Variants in FTCDNL1 observed in about 807,000 individuals in gnomAD.
FTCDNL1 encodes the protein formiminotransferase cyclodeaminase N-terminal like.
A neutral mutation model predicts 5.9 loss-of-function variants in FTCDNL1; 11 were observed. The observed-to-expected ratio is 1.87, with a 90% CI of 1.18 to 3.10. The LOEUF (loss-of-function observed/expected upper bound fraction) is 3.10, where lower values mean the gene tolerates loss of function less well. Among genes scored for constraint, FTCDNL1 ranks in the 30% most tolerant of loss-of-function variants. The pLI is 0.00. For missense variants in FTCDNL1, 115 were observed against 65.5 expected, an observed-to-expected ratio of 1.76 and a Z score of -2.61; for synonymous variants, 58 against 24.8, an observed-to-expected ratio of 2.34 and a Z score of -3.99.
In FTCDNL1 at chr2:199,786,251, G is replaced by GTATA. The variant is rs139819752; in HGVS notation, c.212-25420_212-25417dup. Among the ~76,000 whole-genome samples, 808 of 146,572 alleles carry GTATA rather than the reference G, an allele frequency of 5.5e-3. 6 individuals are homozygous for GTATA. Among genetic ancestry groups the GTATA allele is most frequent in the African/African-American group, 0.018 (729 of 40,002 alleles). On this transcript the variant is annotated intron_variant, in intron 3 of 3. Transcript: ENST00000416668. ...AACAGTCTGGGCTACCTCCAGCCCT[G>GTATA]TATATATATATATATATATGCATAC...
At chr2:199,775,365 A>G (rs1699008080) in intron 3 of FTCDNL1, among the ~76,000 whole-genome samples, 1 of 152,234 alleles carries the variant, frequency 6.6e-6, no homozygotes, top group African/African-American at 2.4e-5. Flanking sequence ...CTTCAGATAT[A>G]ACGGCCCATC....
At chr2:199,834,702 A>C (rs887675801) in intron 3 of FTCDNL1, among the ~76,000 whole-genome samples, 7 of 152,334 alleles carry the variant, frequency 4.6e-5, no homozygotes, top group South Asian at 4.1e-4. Flanking sequence ...CTGGTTCCAA[A>C]TGTGGGAAAG....
the FTCDNL1 span, among the ~76,000 whole-genome samples, chr2:199,692,751 A>G: frequency 6.6e-6 from 1 of 150,820 alleles, no homozygotes; most frequent in Non-Finnish European, 1.5e-5. Context: ...TTGTGTGGCA[A>G]GCAAGAGAAT....
intron 3 of FTCDNL1, among the ~76,000 whole-genome samples, chr2:199,788,990 A>G (rs1699792257): frequency 6.6e-6 from 1 of 151,912 alleles, no homozygotes; most frequent in Non-Finnish European, 1.5e-5. Flanking sequence ...AAACTTGAAT[A>G]TGGAAATTAC....
At chr2:199,731,397 A>G in the FTCDNL1 span, among the ~76,000 whole-genome samples, 1 of 152,226 alleles carries the variant, frequency 6.6e-6, no homozygotes, top group African/African-American at 2.4e-5. Flanking sequence ...TTCAATGACC[A>G]ACCTAATTGA....
chr2:199,768,945 G>T (rs944658407), intron 3 of FTCDNL1, among the ~76,000 whole-genome samples: 2 of 152,062 alleles, frequency 1.3e-5, no homozygotes, highest in Non-Finnish European at 2.9e-5. Context: ...AATGTTAGGG[G>T]GTGTTCTGCA....
At chr2:199,787,001 C>T (rs184436344) in intron 3 of FTCDNL1, among the ~76,000 whole-genome samples, 50 of 152,258 alleles carry the variant, frequency 3.3e-4, no homozygotes, top group African/African-American at 1.2e-3. Context: ...TGGCTTTTGG[C>T]CTCTGCTAGC....
At chr2:199,829,638 T>C (rs929608409) in intron 3 of FTCDNL1, among the ~76,000 whole-genome samples, 2 of 152,234 alleles carry the variant, frequency 1.3e-5, no homozygotes, top group African/African-American at 4.8e-5. Context: ...ATCTGCTTAA[T>C]TAAATGTATC....
chr2:199,670,813 C>T, the FTCDNL1 span, among the ~76,000 whole-genome samples: 1 of 152,124 alleles, frequency 6.6e-6, no homozygotes, highest in Admixed American at 6.5e-5. Context: ...TCATAGCTCC[C>T]CTTTCCTACT....
the FTCDNL1 span, among the ~76,000 whole-genome samples, chr2:199,664,905 G>C: frequency 1.3e-5 from 2 of 152,090 alleles, no homozygotes; most frequent in African/African-American, 2.4e-5. Context: ...TGGACAACCA[G>C]TAGGCTAGGA....
At chr2:199,675,780 G>A in the FTCDNL1 span, among the ~76,000 whole-genome samples, 9 of 152,278 alleles carry the variant, frequency 5.9e-5, no homozygotes, top group East Asian at 9.6e-4. Flanking sequence ...TTTTGAGACA[G>A]AGTCTCACTT....
At chr2:199,834,958 G>C (rs1702624792) in intron 3 of FTCDNL1, among the ~76,000 whole-genome samples, 1 of 152,172 alleles carries the variant, frequency 6.6e-6, no homozygotes, top group Admixed American at 6.5e-5. Flanking sequence ...AGGATCACTT[G>C]AGGCCAGGAG....
chr2:199,827,343 G>A (rs562021623), intron 3 of FTCDNL1, among the ~76,000 whole-genome samples: 148 of 152,144 alleles, frequency 9.7e-4, no homozygotes, highest in Non-Finnish European at 1.8e-3. Context: ...GGGGGACAGG[G>A]AGACTGGTGT....
chr2:199,740,617 C>A, the FTCDNL1 span, among the ~76,000 whole-genome samples: 1 of 152,174 alleles, frequency 6.6e-6, no homozygotes, highest in Non-Finnish European at 1.5e-5. Flanking sequence ...AGCAAGGCTG[C>A]AGGGGAGAAA....
chr2:199,675,552 A>AT, the FTCDNL1 span, among the ~76,000 whole-genome samples: 6 of 151,496 alleles, frequency 4.0e-5, no homozygotes, highest in African/African-American at 1.5e-4. Flanking sequence ...ATAGAAATTG[A>AT]TTTTTTTTTC....
At chr2:199,782,265 C>G (rs1699404769) in intron 3 of FTCDNL1, among the ~76,000 whole-genome samples, 1 of 152,162 alleles carries the variant, frequency 6.6e-6, no homozygotes, top group East Asian at 1.9e-4. Flanking sequence ...ATGTCTGTCA[C>G]ACTTGGGCAA....
chr2:199,709,298 A>G, the FTCDNL1 span, among the ~76,000 whole-genome samples: 1 of 152,114 alleles, frequency 6.6e-6, no homozygotes, highest in Non-Finnish European at 1.5e-5. Flanking sequence ...GTCATACAGT[A>G]CAAGTGTTTC....
the FTCDNL1 span, among the ~76,000 whole-genome samples, chr2:199,729,164 T>C: frequency 1.3e-5 from 2 of 152,144 alleles, no homozygotes; most frequent in Non-Finnish European, 2.9e-5. Flanking sequence ...GAACATAACA[T>C]GTACAATCTT....
chr2:199,806,163 G>A (rs943835492), downstream of FTCDNL1, among the ~76,000 whole-genome samples: 2 of 152,172 alleles, frequency 1.3e-5, no homozygotes, highest in Admixed American at 6.5e-5. Flanking sequence ...ACACATTGGA[G>A]AAGCATTCTA....
Sources: gnomAD v4.1 joint callset for allele counts (sites outside exome capture counted in the v4.1 genomes callset) on GRCh38, gnomAD v4.1.1 for gene constraint, MANE v1.5 for transcripts, NCBI Gene and HGNC (gene_info 2026-07-23, HGNC 2026-07-21) for gene names.